Variants in GSE1 observed in about 807,000 individuals in gnomAD.
The protein encoded by GSE1 is Gse1 coiled-coil protein, also known as genetic suppressor element 1.
In GSE1, 32 loss-of-function variants were observed where a neutral mutation model predicts 112.6. The ratio of observed to expected loss-of-function variants is 0.28; its 90% CI spans 0.21 to 0.38. The LOEUF (loss-of-function observed/expected upper bound fraction) is 0.38. Ranked by LOEUF, GSE1 falls within the 10% of genes least tolerant of loss-of-function variation. The pLI is 1.00. For synonymous variants in GSE1, 1,115 were observed against 735.6 expected, an observed-to-expected ratio of 1.52 and a Z score of -8.35; for missense variants, 2,348 against 1,699.2, an observed-to-expected ratio of 1.38 and a Z score of -6.71.
At chr16:85,344,377 G>A (rs2046688875) in intron 1 of GSE1, among the ~76,000 whole-genome samples, 1 of 152,214 alleles carries the variant, frequency 6.6e-6, no homozygotes, top group Non-Finnish European at 1.5e-5. Flanking sequence ...GCCGAGCGGG[G>A]TCCTGCCCGG....
chr16:85,627,099 C>T (rs1467099029), intron 1 of GSE1, among the ~76,000 whole-genome samples: 1 of 80,226 alleles, frequency 1.2e-5, no homozygotes, highest in East Asian at 3.8e-4. Flanking sequence ...TGCTTCTGAC[C>T]CTATTAGAAA....
At chr16:85,303,448 C>A (rs1029595719) in intron 1 of GSE1, among the ~76,000 whole-genome samples, 6 of 152,204 alleles carry the variant, frequency 3.9e-5, no homozygotes, top group Non-Finnish European at 7.3e-5. Context: ...GCAGGAAGCC[C>A]TCCTAGCCAC....
At chr16:85,297,095 G>A (rs1243226908) in intron 1 of GSE1, among the ~76,000 whole-genome samples, 1 of 152,224 alleles carries the variant, frequency 6.6e-6, no homozygotes, top group African/African-American at 2.4e-5. Flanking sequence ...AGGTTGGGGG[G>A]TGCAGTGATG....
chr16:85,277,566 G>A (rs1333135960), intron 1 of GSE1, among the ~76,000 whole-genome samples: 1 of 152,170 alleles, frequency 6.6e-6, no homozygotes, highest in Non-Finnish European at 1.5e-5. Context: ...CTGGGTCAGG[G>A]CATCACTCTG....
Position 85,666,249 on chromosome 16 carries a change from A to G in GSE1, c.3032A>G (p.Lys1011Arg). The G allele has an allele frequency of 6.2e-7, 1 of 1,613,862 alleles. No individual in the cohort carries two copies. Among genetic ancestry groups the G allele is most frequent in the South Asian group, 1.1e-5 (1 of 91,086 alleles). Residue 1011 changes from lysine (K) to arginine (R), a missense_variant, in exon 13 of 16, where the codon AAG (lysine) becomes AGG (arginine). Transcript: ENST00000253458. ...PVPLSHSTNGKSKPWEPFVAE... is the reference protein window; with the variant it reads ...PVPLSHSTNGRSKPWEPFVAE... ...CCGCTGTCCCACAGCACCAATGGGA[A>G]GAGCAAGCCGTGGGAGCCCTTTGTG...
chr16:85,478,338 C>T (rs1252656630), intron 2 of GSE1, among the ~76,000 whole-genome samples: 1 of 151,936 alleles, frequency 6.6e-6, no homozygotes, highest in Non-Finnish European at 1.5e-5. Flanking sequence ...ACCAGCCTGG[C>T]CAACATGGTG....
chr16:85,539,665 C>T (rs2044453156), intron 2 of GSE1, among the ~76,000 whole-genome samples: 1 of 152,178 alleles, frequency 6.6e-6, no homozygotes. Flanking sequence ...TCATTAGCGC[C>T]TGCGTTCACA....
At chr16:85,669,063 G>T (rs1373633041) in intron 14 of GSE1, among the ~76,000 whole-genome samples, 1 of 152,286 alleles carries the variant, frequency 6.6e-6, no homozygotes, top group Admixed American at 6.5e-5. Flanking sequence ...CTGCCAGGGA[G>T]TGGGGCCACG....
intron 1 of GSE1, among the ~76,000 whole-genome samples, chr16:85,298,383 C>T (rs1242453628): frequency 6.6e-6 from 1 of 152,180 alleles, no homozygotes; most frequent in Non-Finnish European, 1.5e-5. Context: ...AGGGCTATCA[C>T]CACTGTTTGC....
chr16:85,422,458 G>A (rs1043362548), intron 2 of GSE1, among the ~76,000 whole-genome samples: 3 of 152,134 alleles, frequency 2.0e-5, no homozygotes, highest in African/African-American at 4.8e-5. Context: ...TGGGGCCCAC[G>A]CGGGAGGCAG....
chr16:85,616,569 C>T (rs2048383998), intron 1 of GSE1, among the ~76,000 whole-genome samples: 1 of 152,256 alleles, frequency 6.6e-6, no homozygotes, highest in South Asian at 2.1e-4. Flanking sequence ...TCTGAAACCA[C>T]AGGGCTTCCC....
intron 1 of GSE1, among the ~76,000 whole-genome samples, chr16:85,617,166 C>T (rs1187598296): frequency 6.6e-6 from 1 of 152,338 alleles, no homozygotes. Context: ...TCCACCTGCC[C>T]CTCCTAACCT....
At chr16:85,381,467 G>C (rs973174683) in intron 2 of GSE1, among the ~76,000 whole-genome samples, 2 of 152,180 alleles carry the variant, frequency 1.3e-5, no homozygotes, top group African/African-American at 4.8e-5. Flanking sequence ...TCTGGGTATA[G>C]ATCTCCACAG....
intron 1 of GSE1, among the ~76,000 whole-genome samples, chr16:85,572,329 A>C (rs1226957636): frequency 6.8e-6 from 1 of 146,642 alleles, no homozygotes; most frequent in Admixed American, 6.8e-5. Flanking sequence ...CACACCACAC[A>C]CACCACATAC....
intron 2 of GSE1, among the ~76,000 whole-genome samples, chr16:85,414,862 C>T (rs2048668140): frequency 6.6e-6 from 1 of 152,200 alleles, no homozygotes; most frequent in Admixed American, 6.5e-5. Context: ...TCTTGAACTC[C>T]TGACCTCAGG....
chr16:85,369,918 C>T (rs575033128), intron 2 of GSE1, among the ~76,000 whole-genome samples: 4 of 152,236 alleles, frequency 2.6e-5, no homozygotes, highest in African/African-American at 9.6e-5. Context: ...CACTGCCTGG[C>T]TCAACCCCAA....
intron 2 of GSE1, among the ~76,000 whole-genome samples, chr16:85,487,927 G>A (rs946441261): frequency 1.3e-5 from 2 of 152,190 alleles, no homozygotes; most frequent in African/African-American, 4.8e-5. Flanking sequence ...CATCACTGAT[G>A]CCCCTGGCAC....
chr16:85,336,046 C>A (rs1384551936), intron 1 of GSE1, among the ~76,000 whole-genome samples: 1 of 152,094 alleles, frequency 6.6e-6, no homozygotes, highest in East Asian at 1.9e-4. Context: ...CCTAGTGTCT[C>A]CGAGATATGG....
chr16:85,474,248 C>T (rs978928550), intron 2 of GSE1, among the ~76,000 whole-genome samples: 2 of 152,006 alleles, frequency 1.3e-5, no homozygotes, highest in Admixed American at 6.5e-5. Flanking sequence ...CAGGGAGAGC[C>T]GGCATCTCAG....
Sources: gnomAD v4.1 joint callset for allele counts (sites outside exome capture counted in the v4.1 genomes callset) on GRCh38, gnomAD v4.1.1 for gene constraint, MANE v1.5 for transcripts, NCBI Gene and HGNC (gene_info 2026-07-23, HGNC 2026-07-21) for gene names.